The following AOAH variants were observed in gnomAD, a reference collection of about 807,000 sequenced individuals.
AOAH encodes the protein acyloxyacyl hydrolase, also known as acyloxyacyl hydrolase (neutrophil).
In AOAH, 64 loss-of-function variants were observed where a neutral mutation model predicts 92.2. That is an observed-to-expected ratio of 0.69 (90% confidence interval 0.57 to 0.86). The LOEUF is 0.86. AOAH is among the 40% of genes least tolerant of loss of function. The probability of loss-of-function intolerance (pLI) is 0.00; values close to 1 mark genes in which losing one functional copy is unlikely to be tolerated. For synonymous variants in AOAH, 263 were observed against 254.5 expected, an observed-to-expected ratio of 1.03 and a Z score of -0.32; for missense variants, 656 against 694.6, an observed-to-expected ratio of 0.94 and a Z score of 0.62.
chr7:36,688,263 T>C (rs1276755247), intron 1 of AOAH, among the ~76,000 whole-genome samples: 1 of 152,146 alleles, frequency 6.6e-6, no homozygotes, highest in Admixed American at 6.6e-5. Flanking sequence ...TTTCAAAAAA[T>C]ATAAACACAA....
At chr7:36,598,700 T>A (rs1192461962) in intron 11 of AOAH, among the ~76,000 whole-genome samples, 2 of 152,174 alleles carry the variant, frequency 1.3e-5, no homozygotes, top group South Asian at 2.1e-4. Context: ...CTTGGCATAT[T>A]TTTTTTCCTT....
chr7:36,526,117 C>A (rs1475493845), intron 19 of AOAH, among the ~76,000 whole-genome samples: 2 of 152,316 alleles, frequency 1.3e-5, no homozygotes, highest in South Asian at 2.1e-4. Flanking sequence ...CAACCCCCAT[C>A]CCTTCTCTAC....
rs1278247985 is a variant in AOAH, at chr7:36,554,335, T to C, written c.1022-4860A>G. Among the ~76,000 whole-genome samples, 4 of 152,338 alleles carry C rather than the reference T, an allele frequency of 2.6e-5. No homozygotes were observed. The East Asian group carries it at 7.7e-4, about 29-fold the overall frequency. On this transcript the variant is annotated intron_variant, in intron 13 of 20. Transcript: ENST00000617537. ...TTCTGAAGGCTCTGTTCTGTTCCATTGATCTATATCTCTGTTTTGGTACCA... is the reference window on the plus strand; with the variant it reads ...TTCTGAAGGCTCTGTTCTGTTCCATCGATCTATATCTCTGTTTTGGTACCA...
chr7:36,607,719 CT>C (rs1281558549), intron 11 of AOAH, among the ~76,000 whole-genome samples: 6 of 152,326 alleles, frequency 3.9e-5, no homozygotes, highest in African/African-American at 1.4e-4. Context: ...GGCTGATTAT[CT>C]GCACCCAGGG....
At chr7:36,638,032 G>A (rs1425979326) in intron 4 of AOAH, 122 bp from the exon 5 acceptor site, 2 of 773,072 alleles carry the variant, frequency 2.6e-6, no homozygotes, top group African/African-American at 3.5e-5. Context: ...CCATAAATTT[G>A]TAATAAAATA....
chr7:36,549,341 T>C lies in AOAH; in HGVS notation c.1058+98A>G, dbSNP rs572351259. ...TTTGGATAGTGACTAACAAGCTATT[T>C]ATGCTCAGTAAAAATGATTATGGGG... On this transcript the variant is annotated intron_variant, in intron 14 of 20. Transcript: ENST00000617537. 3 of 916,994 alleles carry C rather than the reference T, an allele frequency of 3.3e-6. No individual in the cohort carries two copies. In the South Asian group the frequency reaches 4.2e-5, roughly 13 times the overall value. 56.8% of individuals were successfully genotyped at this position (916,994 alleles called of 1,614,324 possible).
intron 12 of AOAH, among the ~76,000 whole-genome samples, chr7:36,588,771 C>A (rs1015915294): frequency 6.6e-6 from 1 of 152,192 alleles, no homozygotes; most frequent in Non-Finnish European, 1.5e-5. Flanking sequence ...TAGGACACCT[C>A]TCACTAAAGG....
At chr7:36,687,057 T>C (rs563167115) in intron 1 of AOAH, among the ~76,000 whole-genome samples, 1 of 152,296 alleles carries the variant, frequency 6.6e-6, no homozygotes, top group East Asian at 1.9e-4. Flanking sequence ...AGAATAGGAT[T>C]GTTCCCATCC....
intron 18 of AOAH, among the ~76,000 whole-genome samples, chr7:36,531,048 A>G (rs1037318514): frequency 6.6e-6 from 1 of 152,256 alleles, no homozygotes; most frequent in African/African-American, 2.4e-5. Flanking sequence ...AAGATGAAAT[A>G]AATCATAATA....
In AOAH at chr7:36,641,366, G is replaced by A. The variant is rs192816406; in HGVS notation, c.391-3456C>T. ...CTTTGGATAATTTTCCAGTTGCAGCGCTGAAGTCTTGTTCCCCCAATGACT... is the reference window on the plus strand; with the variant it reads ...CTTTGGATAATTTTCCAGTTGCAGCACTGAAGTCTTGTTCCCCCAATGACT... On this transcript the variant is annotated intron_variant, in intron 4 of 20. Coordinates refer to ENST00000617537, the MANE Select transcript of AOAH (RefSeq NM_001637.4). Among the ~76,000 whole-genome samples, 45 of 152,220 alleles carry A rather than the reference G, an allele frequency of 3.0e-4. 2 individuals carry two copies. In the South Asian group the frequency reaches 6.7e-3, roughly 23 times the overall value.
At chr7:36,675,009 C>A (rs183480555) in intron 2 of AOAH, among the ~76,000 whole-genome samples, 6 of 152,238 alleles carry the variant, frequency 3.9e-5, no homozygotes, top group Non-Finnish European at 8.8e-5. Flanking sequence ...AATCCCAGCA[C>A]TTTGGGAGGG....
chr7:36,670,124 C>T lies in AOAH; in HGVS notation c.290+3819G>A, dbSNP rs114836078. Among the ~76,000 whole-genome samples, 1,026 of 152,136 alleles carry T rather than the reference C, an allele frequency of 6.7e-3. 4 individuals carry two copies. Among genetic ancestry groups the T allele is most frequent in the African/African-American group, 0.011 (464 of 41,482 alleles). ...GTAGGAAGGAAATGTAATTGCTGCA[C>T]AATTAGTCCATGAATTATTGAGAAC... On this transcript the variant is annotated intron_variant, in intron 3 of 20. Coordinates refer to ENST00000617537, the MANE Select transcript of AOAH (RefSeq NM_001637.4).
At chr7:36,549,821 A>T (rs1392832328) in intron 13 of AOAH, among the ~76,000 whole-genome samples, 1 of 152,208 alleles carries the variant, frequency 6.6e-6, no homozygotes, top group Non-Finnish European at 1.5e-5. Flanking sequence ...AAACTACCGA[A>T]AATATTCAAG....
At chr7:36,529,145 G>A (rs1420140435) in intron 19 of AOAH, among the ~76,000 whole-genome samples, 1 of 152,028 alleles carries the variant, frequency 6.6e-6, no homozygotes, top group Non-Finnish European at 1.5e-5. Flanking sequence ...CATTTCCAGG[G>A]CTGGAAAGGG....
intron 2 of AOAH, among the ~76,000 whole-genome samples, chr7:36,677,550 G>A (rs995792511): frequency 6.6e-6 from 1 of 152,140 alleles, no homozygotes; most frequent in Admixed American, 6.5e-5. Flanking sequence ...TTAACATAGA[G>A]TTACTATGTG....
At chr7:36,604,174 C>T (rs897582995) in intron 11 of AOAH, among the ~76,000 whole-genome samples, 1 of 152,136 alleles carries the variant, frequency 6.6e-6, no homozygotes, top group Non-Finnish European at 1.5e-5. Context: ...ATCGGCCCCA[C>T]CTCTTCATAT....
intron 19 of AOAH, among the ~76,000 whole-genome samples, chr7:36,526,262 A>AT (rs929153640): frequency 6.6e-6 from 1 of 150,488 alleles, no homozygotes. Flanking sequence ...GGTAAACATC[A>AT]TTTTTTTCCC....
chr7:36,659,081 A>G, intron 4 of AOAH, 85 bp downstream of exon 4: 1 of 1,101,904 alleles, frequency 9.1e-7, no homozygotes, highest in East Asian at 2.4e-5. Flanking sequence ...ACACTGAGCG[A>G]GTAAAAGCTA....
chr7:36,674,161 G>A (rs1562683338), intron 2 of AOAH, 152 bp from the exon 3 acceptor site: 2 of 589,994 alleles, frequency 3.4e-6, no homozygotes, highest in South Asian at 4.6e-5. Flanking sequence ...TTCAGCTAAT[G>A]TATGCATTAA....
Sources: gnomAD v4.1 joint callset for allele counts (sites outside exome capture counted in the v4.1 genomes callset) on GRCh38, gnomAD v4.1.1 for gene constraint, MANE v1.5 for transcripts, NCBI Gene and HGNC (gene_info 2026-07-23, HGNC 2026-07-21) for gene names.